GABBR2: variants seen among roughly 807,000 people sequenced by gnomAD.
GABBR2 encodes the protein G-protein coupled receptor 51.
Under a neutral mutation model 105.6 loss-of-function variants are expected in GABBR2, and 23 were observed. The ratio of observed to expected loss-of-function variants is 0.22; its 90% CI spans 0.16 to 0.31. GABBR2 has a LOEUF of 0.31. Among genes scored for constraint, GABBR2 ranks in the 10% least tolerant of loss-of-function variants. The pLI, the probability that GABBR2 is intolerant of heterozygous loss-of-function variation, is 1.00. For missense variants in GABBR2, 734 were observed against 1,245.5 expected, an observed-to-expected ratio of 0.59 and a Z score of 6.18; for synonymous variants, 478 against 499.7, an observed-to-expected ratio of 0.96 and a Z score of 0.58.
intron 3 of GABBR2, among the ~76,000 whole-genome samples, chr9:98,539,657 G>A (rs924359000): frequency 6.6e-6 from 1 of 152,118 alleles, no homozygotes; most frequent in Non-Finnish European, 1.5e-5. Context: ...GGTGGCTCAT[G>A]CCACTTTGGG....
intron 13 of GABBR2, among the ~76,000 whole-genome samples, chr9:98,340,319 TGTCTCAGCACA>T (rs886532497): frequency 5.4e-4 from 82 of 152,154 alleles, no homozygotes; most frequent in African/African-American, 1.9e-3. Context: ...TTAAGTCCAG[TGTCTCAGCACA>T]GTAACTTAAA....
intron 11 of GABBR2, among the ~76,000 whole-genome samples, chr9:98,384,744 G>C (rs1033918617): frequency 6.6e-6 from 1 of 152,052 alleles, no homozygotes. Context: ...ATCTCAATAG[G>C]GATGATACAG....
chr9:98,319,198 T>C (rs1486812997), intron 13 of GABBR2, among the ~76,000 whole-genome samples: 1 of 152,022 alleles, frequency 6.6e-6, no homozygotes, highest in Non-Finnish European at 1.5e-5. Flanking sequence ...GGCAAGATGA[T>C]CAAAGGAGGT....
chr9:98,438,258 G>A (rs985461726), intron 7 of GABBR2, among the ~76,000 whole-genome samples: 10 of 150,910 alleles, frequency 6.6e-5, no homozygotes, highest in South Asian at 6.3e-4. Context: ...TCACTCATTC[G>A]CCATTCACTC....
chr9:98,657,749 C>T (rs1830202519), intron 1 of GABBR2, among the ~76,000 whole-genome samples: 1 of 152,254 alleles, frequency 6.6e-6, no homozygotes, highest in Non-Finnish European at 1.5e-5. Flanking sequence ...GTAACTGGAT[C>T]ATGGGAGCCA....
chr9:98,492,346 T>C lies in GABBR2; in HGVS notation c.732+4067A>G, dbSNP rs963200610. ...CTTGAGCCCGCTTAAGTTTGTTTCC[T>C]AGTAAAAAAAAAAAAAAAAAAAAAA... is the stretch of plus-strand genomic sequence containing the variant. On this transcript the variant is annotated intron_variant, in intron 4 of 18. Coordinates refer to ENST00000259455, the MANE Select transcript of GABBR2 (RefSeq NM_005458.8). Among the ~76,000 whole-genome samples, 6 of 3,814 alleles carry C rather than the reference T, an allele frequency of 1.6e-3. 1 individual carries two copies. Among genetic ancestry groups the C allele is most frequent in the South Asian group, 0.014 (1 of 74 alleles). The allele number at this position is 3,814 out of a possible 152,430, so 2.5% of individuals were successfully genotyped here.
At chr9:98,299,397 C>T (rs1453367095) in intron 16 of GABBR2, 44 bp from the exon 17 acceptor site, 2 of 1,612,202 alleles carry the variant, frequency 1.2e-6, no homozygotes, top group African/African-American at 1.3e-5. Flanking sequence ...CTGGCCCAGC[C>T]CTGGCAGCTA....
intron 1 of GABBR2, among the ~76,000 whole-genome samples, chr9:98,700,521 G>A (rs758855027): frequency 1.2e-4 from 19 of 152,056 alleles, no homozygotes; most frequent in Admixed American, 4.6e-4. Flanking sequence ...TTCCTTCCCC[G>A]TCTCCTTCCA....
intron 2 of GABBR2, among the ~76,000 whole-genome samples, chr9:98,568,085 C>A (rs991094032): frequency 6.6e-6 from 1 of 152,164 alleles, no homozygotes; most frequent in Non-Finnish European, 1.5e-5. Flanking sequence ...CCAGGATCCA[C>A]GCAAGCCAGG....
intron 2 of GABBR2, among the ~76,000 whole-genome samples, chr9:98,562,504 A>G (rs536089662): frequency 3.2e-4 from 48 of 152,330 alleles, no homozygotes; most frequent in African/African-American, 1.1e-3. Context: ...TAGGAGATGC[A>G]TGCTAATGTA....
Position 98,388,390 on chromosome 9 carries a change from A to C in GABBR2, c.1529+464T>G, listed in dbSNP as rs1832114611. 6.6e-6 allele frequency among the ~76,000 whole-genome samples: 1 copy of C among 152,146 alleles called. No individual in the cohort carries two copies. Among genetic ancestry groups the C allele is most frequent in the Non-Finnish European group, 1.5e-5 (1 of 68,012 alleles). On this transcript the variant is annotated intron_variant, in intron 10 of 18. Coordinates refer to ENST00000259455, the MANE Select transcript of GABBR2 (RefSeq NM_005458.8). The surrounding 1 kb of genome is among the most constrained non-coding windows in gnomAD (Gnocchi z 4.4). Reference sequence around the variant, plus strand: ...TAATGAACTGTACCAATGGGAGTCCATTTCACTGGACTTTGTGACCCCCTT... The same window carrying C: ...TAATGAACTGTACCAATGGGAGTCCCTTTCACTGGACTTTGTGACCCCCTT...
chr9:98,675,405 G>C (rs1168277379), intron 1 of GABBR2, among the ~76,000 whole-genome samples: 1 of 152,160 alleles, frequency 6.6e-6, no homozygotes, highest in Non-Finnish European at 1.5e-5. Context: ...GAAAGGCTAG[G>C]AGTGAACACC....
At chr9:98,330,854 TA>T (rs1831011776) in intron 13 of GABBR2, among the ~76,000 whole-genome samples, 1 of 152,192 alleles carries the variant, frequency 6.6e-6, no homozygotes, top group Non-Finnish European at 1.5e-5. Context: ...GGCTATCTCA[TA>T]GTTTTCATCA....
chr9:98,447,535 GTA>G (rs201031299), intron 7 of GABBR2, among the ~76,000 whole-genome samples: 157 of 74,802 alleles, frequency 2.1e-3, no homozygotes, highest in Admixed American at 5.7e-3. Context: ...TAACTAGTAT[GTA>G]TGTGTGTGTG....
At chr9:98,438,080 ACATC>A (rs1461474384) in intron 7 of GABBR2, among the ~76,000 whole-genome samples, 1 of 91,300 alleles carries the variant, frequency 1.1e-5, no homozygotes, top group Non-Finnish European at 2.3e-5. Flanking sequence ...ACCTGTCCAC[ACATC>A]TATCCATCCA....
chr9:98,635,543 A>G (rs576658104), intron 1 of GABBR2, among the ~76,000 whole-genome samples: 1 of 152,334 alleles, frequency 6.6e-6, no homozygotes, highest in South Asian at 2.1e-4. Context: ...TCATACTCTA[A>G]CTTCAACAAA....
intron 2 of GABBR2, 116 bp from the exon 3 acceptor site, chr9:98,542,159 G>A (rs1237384040): frequency 1.3e-6 from 1 of 785,312 alleles, no homozygotes; most frequent in Non-Finnish European, 2.0e-6. Flanking sequence ...AACACACAGG[G>A]ACAGATATTT....
At chr9:98,300,678 C>T (rs147460024) in intron 16 of GABBR2, among the ~76,000 whole-genome samples, 1 of 152,112 alleles carries the variant, frequency 6.6e-6, no homozygotes, top group Non-Finnish European at 1.5e-5. Context: ...GCCTCAGGAG[C>T]GGGCCTCATG....
Position 98,708,443 on chromosome 9 carries a change from G to A in GABBR2, c.295C>T (p.Leu99Phe), listed in dbSNP as rs1377162098. The change falls in exon 1 of 19, where the codon CTC (leucine) becomes TTC (phenylalanine). Residue 99 changes from leucine (L) to phenylalanine (F), a missense_variant. Coordinates refer to ENST00000259455, the MANE Select transcript of GABBR2 (RefSeq NM_005458.8). ...TCCGTGTCATAGAGCCGCAGGTCGA[G>A]GAAGTAGGGGCGCAGGAGTGACTCG... is the stretch of plus-strand genomic sequence containing the variant. ...RNESLLRPYF[L>F]DLRLYDTECD... 1 of 1,548,602 alleles carries A rather than the reference G, an allele frequency of 6.5e-7. No individual in the cohort carries two copies. The highest frequency in any genetic ancestry group is 1.8e-5 in the Admixed American group (1 of 54,860).
Sources: gnomAD v4.1 joint callset for allele counts (sites outside exome capture counted in the v4.1 genomes callset) on GRCh38, gnomAD v4.1.1 for gene constraint, Gnocchi (gnomAD v3.1) non-coding constraint, MANE v1.5 for transcripts, NCBI Gene and HGNC (gene_info 2026-07-23, HGNC 2026-07-21) for gene names.